Variants in OPCML observed in about 807,000 individuals in gnomAD.
OPCML encodes opioid binding protein/cell adhesion molecule like, also known as opioid-binding protein/cell adhesion molecule.
In OPCML, 13 loss-of-function variants were observed where a neutral mutation model predicts 37.8. The ratio of observed to expected loss-of-function variants is 0.34; its 90% CI spans 0.22 to 0.55. The LOEUF (loss-of-function observed/expected upper bound fraction) is 0.55, where lower values mean the gene tolerates loss of function less well. Ranked by LOEUF, OPCML falls within the 20% of genes least tolerant of loss-of-function variation. OPCML has a pLI of 0.91. For synonymous variants in OPCML, 176 were observed against 168.8 expected, an observed-to-expected ratio of 1.04 and a Z score of -0.33; for missense variants, 341 against 435.6, an observed-to-expected ratio of 0.78 and a Z score of 1.93.
chr11:132,857,743 G>T (rs147105200), intron 2 of OPCML, among the ~76,000 whole-genome samples: 60 of 151,174 alleles, frequency 4.0e-4, no homozygotes, highest in African/African-American at 1.4e-3. Context: ...ATGCTAACAT[G>T]TAATGAAATT....
chr11:133,063,013 C>T (rs1178787484), intron 1 of OPCML, among the ~76,000 whole-genome samples: 2 of 152,234 alleles, frequency 1.3e-5, no homozygotes, highest in African/African-American at 2.4e-5. Context: ...CTCCCATGGC[C>T]GGGGGCCAGC....
At chr11:132,970,732 T>C (rs1304872204) in intron 1 of OPCML, among the ~76,000 whole-genome samples, 1 of 152,194 alleles carries the variant, frequency 6.6e-6, no homozygotes, top group Non-Finnish European at 1.5e-5. Flanking sequence ...CTCATGATAA[T>C]CTTACTTTTC....
chr11:132,610,836 T>C (rs375548811), intron 3 of OPCML, among the ~76,000 whole-genome samples: 131 of 152,326 alleles, frequency 8.6e-4, no homozygotes, highest in African/African-American at 2.8e-3. Flanking sequence ...ACATTTTCCA[T>C]AGAAAATTAA....
At chr11:132,971,671 A>G (rs1946345782) in intron 1 of OPCML, among the ~76,000 whole-genome samples, 1 of 152,198 alleles carries the variant, frequency 6.6e-6, no homozygotes, top group South Asian at 2.1e-4. Context: ...GTGAAGACAC[A>G]TGATTATCAA....
At chr11:133,229,957 G>A (rs1353992882) in intron 1 of OPCML, among the ~76,000 whole-genome samples, 2 of 152,156 alleles carry the variant, frequency 1.3e-5, no homozygotes, top group East Asian at 3.9e-4. Flanking sequence ...CTGTATGCAC[G>A]TATTCTCACT....
intron 1 of OPCML, among the ~76,000 whole-genome samples, chr11:132,969,145 A>G (rs1417460041): frequency 7.7e-6 from 1 of 130,648 alleles, no homozygotes; most frequent in African/African-American, 3.0e-5. Flanking sequence ...CCATTGTGTC[A>G]TTCTTATGCC....
chr11:132,503,203 C>T (rs779948862), intron 4 of OPCML, among the ~76,000 whole-genome samples: 5 of 152,102 alleles, frequency 3.3e-5, no homozygotes, highest in Non-Finnish European at 7.4e-5. Context: ...TCTCCGTTGG[C>T]TGGTGATGTT....
At chr11:132,802,096 C>T (rs931014628) in intron 2 of OPCML, among the ~76,000 whole-genome samples, 18 of 152,166 alleles carry the variant, frequency 1.2e-4, no homozygotes, top group Non-Finnish European at 2.2e-4. Flanking sequence ...ACTCCCTTTT[C>T]TTTTTGACCA....
At chr11:132,594,424 T>C (rs1440160516) in intron 3 of OPCML, among the ~76,000 whole-genome samples, 2 of 152,146 alleles carry the variant, frequency 1.3e-5, no homozygotes, top group Non-Finnish European at 2.9e-5. Context: ...AATATAACAA[T>C]AGCTATAACA....
chr11:132,791,344 T>C (rs1350676816), intron 2 of OPCML, among the ~76,000 whole-genome samples: 1 of 152,192 alleles, frequency 6.6e-6, no homozygotes, highest in Admixed American at 6.5e-5. Flanking sequence ...CCTAATGTTA[T>C]GAAAACAAAG....
rs536146712 is a variant in OPCML at position 132,776,291 on chromosome 11, T to C, written c.147-118972A>G. 6.4e-4 allele frequency among the ~76,000 whole-genome samples: 97 copies of C among 152,360 alleles called. 1 individual carries two copies. Among genetic ancestry groups the C allele is most frequent in the Admixed American group, 5.4e-3 (83 of 15,308 alleles). ...TTTTACAGCATAGCTATTAACTTCA[T>C]GCTAATGCACCTTATGTATACATAA... On this transcript the variant is annotated intron_variant, in intron 2 of 7. Coordinates refer to ENST00000524381, the MANE Select transcript of OPCML (RefSeq NM_001012393.5).
chr11:132,776,930 A>T (rs940138663), intron 2 of OPCML, among the ~76,000 whole-genome samples: 3 of 152,028 alleles, frequency 2.0e-5, no homozygotes, highest in Non-Finnish European at 4.4e-5. Flanking sequence ...GGCCAGAGGG[A>T]TCACTGCATT....
At chr11:132,989,602 C>CT (rs1946738147) in intron 1 of OPCML, among the ~76,000 whole-genome samples, 1 of 139,468 alleles carries the variant, frequency 7.2e-6, no homozygotes, top group Non-Finnish European at 1.6e-5. Flanking sequence ...GGTCCTAGAG[C>CT]GTGTGTGTGT....
At chr11:132,498,004 T>C (rs963952455) in intron 4 of OPCML, among the ~76,000 whole-genome samples, 14 of 152,224 alleles carry the variant, frequency 9.2e-5, no homozygotes, top group African/African-American at 3.4e-4. Context: ...ACCTCTTTAA[T>C]CGAAAACTTC....
At chr11:132,998,711 A>T (rs751256523) in intron 1 of OPCML, among the ~76,000 whole-genome samples, 2 of 152,110 alleles carry the variant, frequency 1.3e-5, no homozygotes, top group African/African-American at 2.4e-5. Context: ...GGTCATGAGG[A>T]TGGAGCCCTC....
intron 4 of OPCML, among the ~76,000 whole-genome samples, chr11:132,477,925 A>C (rs572214988): frequency 2.6e-5 from 4 of 152,222 alleles, no homozygotes; most frequent in Non-Finnish European, 5.9e-5. Context: ...TCTAAAAGGG[A>C]AATACTTTAT....
At chr11:132,835,644 T>C (rs1940960638) in intron 2 of OPCML, among the ~76,000 whole-genome samples, 1 of 152,208 alleles carries the variant, frequency 6.6e-6, no homozygotes, top group Non-Finnish European at 1.5e-5. Flanking sequence ...ATACCTGTGT[T>C]TTACTTATTT....
Position 133,173,262 on chromosome 11 carries a change from T to C in OPCML, c.62-230252A>G, listed in dbSNP as rs539201925. Among the ~76,000 whole-genome samples the C allele has an allele frequency of 1.3e-5, 2 of 152,338 alleles. No homozygotes were observed. Among genetic ancestry groups the C allele is most frequent in the South Asian group, 4.1e-4 (2 of 4,830 alleles). On this transcript the variant is annotated intron_variant, in intron 1 of 7. Coordinates refer to ENST00000524381, the MANE Select transcript of OPCML (RefSeq NM_001012393.5). This position sits in a 1 kb window ranked among gnomAD's most constrained non-coding sequence, Gnocchi z 7.8. ...TAACTGTGAAGCATTTCTCAGAATG[T>C]TATCATTAACATTGTTACAGCTATA...
chr11:133,140,577 A>AAGAAGAAGAAGAAGAAGAAAG (rs748209202), intron 1 of OPCML, among the ~76,000 whole-genome samples: 2 of 85,026 alleles, frequency 2.4e-5, no homozygotes, highest in African/African-American at 3.8e-5. Flanking sequence ...GAAGAAGAAG[A>AAGAAGAAGAAGAAGAAGAAAG]AAGAAGAAAA....
Sources: allele counts gnomAD v4.1 joint callset (sites outside exome capture counted in the v4.1 genomes callset), GRCh38; gene constraint gnomAD v4.1.1; non-coding constraint Gnocchi (gnomAD v3.1); transcripts MANE v1.5; gene names NCBI Gene and HGNC (gene_info 2026-07-23, HGNC 2026-07-21).